Variants in ZNF600 observed in about 807,000 individuals in gnomAD.
The protein encoded by ZNF600 is zinc finger protein 600, also known as zinc finger protein KR-ZNF1.
In ZNF600, 4 loss-of-function variants were observed where a neutral mutation model predicts 7.3. The observed-to-expected ratio is 0.55, with a 90% CI of 0.27 to 1.25. The LOEUF is 1.25. Among genes scored for constraint, ZNF600 ranks in the 50% most tolerant of loss-of-function variants. The pLI is 0.12. For synonymous variants in ZNF600, 290 were observed against 308.9 expected (o/e 0.94, Z 0.64); for missense variants, 911 against 922.1 (o/e 0.99, Z 0.16).
At chr19:52,818,025 G>T in the ZNF600 span, 5 of 1,604,376 alleles carry the variant, frequency 3.1e-6, no homozygotes, top group Non-Finnish European at 4.3e-6. Flanking sequence ...TTCTTTAGAA[G>T]TCAATCCTGA....
the ZNF600 span, among the ~76,000 whole-genome samples, chr19:52,821,125 G>A: frequency 6.6e-6 from 1 of 152,220 alleles, no homozygotes; most frequent in Non-Finnish European, 1.5e-5. Flanking sequence ...GCAAGAGGAG[G>A]AGGGAGGTGG....
the ZNF600 span, among the ~76,000 whole-genome samples, chr19:52,809,258 A>G: frequency 0.87 from 132,467 of 151,628 alleles, 58,105 homozygotes; most frequent in East Asian, 0.91. Context: ...AGTAATGCGG[A>G]CGTGCACAGA....
intron 3 of ZNF600, among the ~76,000 whole-genome samples, chr19:52,769,704 C>T (rs2062617320): frequency 6.6e-6 from 1 of 152,100 alleles, no homozygotes; most frequent in Non-Finnish European, 1.5e-5. Context: ...ATAGAGAGAG[C>T]AAAACCCACC....
the ZNF600 span, among the ~76,000 whole-genome samples, chr19:52,832,198 T>C: frequency 2.0e-5 from 3 of 151,576 alleles, no homozygotes; most frequent in African/African-American, 7.3e-5. Context: ...GAGTGACAGA[T>C]TGAAACTGAA....
At chr19:52,767,613 C>T in exon 4 of ZNF600, 1 of 1,613,974 alleles carries the variant, frequency 6.2e-7, no homozygotes, top group Non-Finnish European at 8.5e-7. Context: ...ATCTTCTTGA[C>T]ACTGAAACTC....
the ZNF600 span, among the ~76,000 whole-genome samples, chr19:52,815,547 G>C: frequency 6.8e-6 from 1 of 146,012 alleles, no homozygotes; most frequent in Non-Finnish European, 1.5e-5. Context: ...ATAACTGTCT[G>C]GGCGTGGTGG....
chr19:52,820,986 T>G, the ZNF600 span, among the ~76,000 whole-genome samples: 1 of 152,000 alleles, frequency 6.6e-6, no homozygotes, highest in East Asian at 1.9e-4. Flanking sequence ...GAGAAGCGCA[T>G]TTTCCCAGAG....
upstream of ZNF600, among the ~76,000 whole-genome samples, chr19:52,790,043 G>A (rs2062787370): frequency 6.6e-6 from 1 of 152,196 alleles, no homozygotes; most frequent in African/African-American, 2.4e-5. Context: ...ACAAGGTAAT[G>A]TCATCACTTA....
chr19:52,785,719 T>C (rs2062758009), intron 1 of ZNF600, among the ~76,000 whole-genome samples: 1 of 152,048 alleles, frequency 6.6e-6, no homozygotes, highest in African/African-American at 2.4e-5. Flanking sequence ...TCCCCAGGTG[T>C]CCTCCCTGCT....
At chr19:52,801,514 C>A in the ZNF600 span, 1 of 1,614,072 alleles carries the variant, frequency 6.2e-7, no homozygotes, top group Non-Finnish European at 8.5e-7. Context: ...GTCATGGGTG[C>A]TGCATGGTCA....
At chr19:52,800,482 C>T in the ZNF600 span, 2 of 1,613,490 alleles carry the variant, frequency 1.2e-6, no homozygotes, top group Non-Finnish European at 1.7e-6. Flanking sequence ...TGATGGCGTG[C>T]AAGAGTTGAT....
intron 2 of ZNF600, among the ~76,000 whole-genome samples, chr19:52,777,344 TC>T (rs1395891808): frequency 1.3e-5 from 2 of 152,000 alleles, no homozygotes; most frequent in African/African-American, 4.8e-5. Flanking sequence ...ACCACTGCAA[TC>T]CAACCTGGGC....
the ZNF600 span, among the ~76,000 whole-genome samples, chr19:52,817,022 A>AAGAATGGTTGAATGACTCTCCTGCT: frequency 6.6e-6 from 1 of 152,058 alleles, no homozygotes; most frequent in East Asian, 1.9e-4. Flanking sequence ...TCGATGTGTT[A>AAGAATGGTTGAATGACTCTCCTGCT]AGAATGGTTG....
chr19:52,770,462 G>T (rs1431606232), intron 3 of ZNF600, among the ~76,000 whole-genome samples: 1 of 152,036 alleles, frequency 6.6e-6, no homozygotes, highest in Non-Finnish European at 1.5e-5. Context: ...ATAAATAATT[G>T]ACTAATAGTG....
the ZNF600 span, among the ~76,000 whole-genome samples, chr19:52,793,118 G>T: frequency 0.88 from 134,481 of 152,174 alleles, 59,684 homozygotes; most frequent in African/African-American, 0.9. Context: ...TCAATGCTGA[G>T]TTGACTGTAA....
At chr19:52,808,308 C>A in the ZNF600 span, among the ~76,000 whole-genome samples, 1 of 152,170 alleles carries the variant, frequency 6.6e-6, no homozygotes, top group African/African-American at 2.4e-5. Context: ...GATCAAGACA[C>A]ACTTTCAGTA....
intron 2 of ZNF600, 65 bp from the exon 5 acceptor site, chr19:52,774,766 T>C: frequency 1.0e-6 from 1 of 985,252 alleles, no homozygotes; most frequent in Non-Finnish European, 1.2e-6. Context: ...TCATGGGAAA[T>C]GAGAAAAGAG....
exon 4 of ZNF600, chr19:52,765,218 C>G (rs2062558949): frequency 1.9e-6 from 1 of 532,266 alleles, no homozygotes; most frequent in Admixed American, 2.2e-5. Context: ...CAAGGAGTGA[C>G]CTCGGACTCA....
chr19:52,776,467 A>G (rs2062676278), intron 2 of ZNF600, among the ~76,000 whole-genome samples: 3 of 151,560 alleles, frequency 2.0e-5, no homozygotes, highest in Non-Finnish European at 4.4e-5. Flanking sequence ...GCTAGAGTGC[A>G]GTGGCAGAAT....
Sources: allele counts gnomAD v4.1 joint callset (sites outside exome capture counted in the v4.1 genomes callset), GRCh38; gene constraint gnomAD v4.1.1; transcripts MANE v1.5; gene names NCBI Gene and HGNC (gene_info 2026-07-23, HGNC 2026-07-21).